The following CLPX variants were observed in gnomAD, a reference collection of about 807,000 sequenced individuals.
The protein encoded by CLPX is ATP-dependent clpX-like chaperone, mitochondrial.
A neutral mutation model predicts 76.4 loss-of-function variants in CLPX; 34 were observed. The observed-to-expected ratio is 0.45, with a 90% CI of 0.34 to 0.59. The LOEUF (loss-of-function observed/expected upper bound fraction) is 0.59. Ranked by LOEUF, CLPX falls within the 20% of genes least tolerant of loss-of-function variation. CLPX has a pLI of 0.01. For missense variants in CLPX, 613 were observed against 757.0 expected (o/e 0.81, Z 2.23); for synonymous variants, 248 against 270.9 (o/e 0.92, Z 0.83).
At chr15:65,176,292 T>C (rs2088090894) in intron 3 of CLPX, among the ~76,000 whole-genome samples, 1 of 152,194 alleles carries the variant, frequency 6.6e-6, no homozygotes, top group African/African-American at 2.4e-5. Context: ...CCTGGCAAGT[T>C]TTGGAAAGAA....
chr15:65,169,388 C>T (rs2087966720), intron 3 of CLPX, among the ~76,000 whole-genome samples: 1 of 152,152 alleles, frequency 6.6e-6, no homozygotes, highest in Non-Finnish European at 1.5e-5. Flanking sequence ...AGGCGTGACC[C>T]ACTGAGGCCA....
rs2087678836 is a variant in CLPX at position 65,148,309 on chromosome 15, G to A, written c.*2514C>T. ...GATTTAAAAACATCGACTATGCTTTGTTAACAACTTCCAAAGCCAAATGTA... is the reference window on the plus strand; with the variant it reads ...GATTTAAAAACATCGACTATGCTTTATTAACAACTTCCAAAGCCAAATGTA... On this transcript the variant is annotated 3_prime_UTR_variant, in exon 14 of 14. Coordinates refer to ENST00000300107, the MANE Select transcript of CLPX (RefSeq NM_006660.5). 1 of 152,192 alleles carries A rather than the reference G, an allele frequency of 6.6e-6. No individual in the cohort carries two copies. Among genetic ancestry groups the A allele is most frequent in the Admixed American group, 6.5e-5 (1 of 15,278 alleles). The allele number at this position is 152,192 out of a possible 1,614,324, so 9.4% of individuals were successfully genotyped here.
At chr15:65,176,844 C>G (rs1427109494) in intron 3 of CLPX, among the ~76,000 whole-genome samples, 2 of 151,932 alleles carry the variant, frequency 1.3e-5, no homozygotes, top group African/African-American at 4.8e-5. Context: ...ATCTGCCTAC[C>G]TCAGCCTCCC....
At chr15:65,185,023 T>G (rs2140658481) in intron 1 of CLPX, 52 bp downstream of exon 1, 16 of 1,445,768 alleles carry the variant, frequency 1.1e-5, no homozygotes, top group African/African-American at 2.9e-5. Context: ...CATTGGCCAG[T>G]CCACCCCCCC....
At position 65,185,124 on chromosome 15, in the gene CLPX, G is replaced by T. The variant is rs763423264; in HGVS notation, c.30C>A (p.Gly10=). ...AGGTGATGAGCCGGACGGCCGCCGC[G>T]CCGCAAGTACAAGCACCGCAGCTGG... The part of the protein sequence containing the change: MPSCGACTC[G]AAAVRLITSS... Residue 10 remains glycine, a synonymous_variant, in exon 1 of 14, where the codon GGC becomes GGA. Transcript: ENST00000300107. 1.9e-6 allele frequency: 3 copies of T among 1,579,348 alleles called. No individual in the cohort carries two copies. The highest frequency in any genetic ancestry group is 3.3e-4 in the Middle Eastern group (2 of 6,002).
At chr15:65,157,085 T>C (rs1180580098) in intron 8 of CLPX, among the ~76,000 whole-genome samples, 153 bp from the exon 9 acceptor site, 1 of 152,272 alleles carries the variant, frequency 6.6e-6, no homozygotes, top group Non-Finnish European at 1.5e-5. Flanking sequence ...TGCACTTTTA[T>C]TTCTTCCATC....
chr15:65,156,989 T>C (rs1401570712), intron 8 of CLPX, 57 bp from the exon 9 acceptor site: 2 of 1,170,568 alleles, frequency 1.7e-6, no homozygotes, highest in Non-Finnish European at 2.5e-6. Flanking sequence ...CAAGATAGCC[T>C]CAGCTTTAAA....
intron 3 of CLPX, among the ~76,000 whole-genome samples, chr15:65,169,235 T>G (rs930589498): frequency 1.3e-5 from 2 of 151,960 alleles, no homozygotes; most frequent in African/African-American, 2.4e-5. Context: ...ATTACAGGCA[T>G]GAGCCACTGC....
Position 65,164,120 on chromosome 15 carries a change from C to G in CLPX, c.582G>C (p.Val194=), listed in dbSNP as rs201601207. The G allele has an allele frequency of 1.9e-6, 3 of 1,613,246 alleles. No homozygotes were observed. The highest frequency in any genetic ancestry group is 2.7e-5 in the African/African-American group (2 of 74,988). ...SFAKKVLSVA[V]YNHYKRIYNN... is the part of the protein sequence containing the mutation. ...TATATATTCTCTTATAATGATTGTA[C>G]ACAGCAACTGAAAGCACCTTCTTAG... Residue 194 remains valine (V), a synonymous_variant, in exon 5 of 14, where the codon GTG becomes GTC. Transcript: ENST00000300107.
At chr15:65,181,698 G>T (rs1339896774) in intron 1 of CLPX, among the ~76,000 whole-genome samples, 3 of 151,570 alleles carry the variant, frequency 2.0e-5, no homozygotes, top group Non-Finnish European at 4.4e-5. Flanking sequence ...GCAGTGAGCC[G>T]AGATTGCGCC....
intron 3 of CLPX, among the ~76,000 whole-genome samples, chr15:65,171,123 G>C (rs566425687): frequency 1.3e-4 from 20 of 151,754 alleles, no homozygotes; most frequent in Non-Finnish European, 2.8e-4. Flanking sequence ...GCCCAGCCAT[G>C]TTTCTGTTCT....
chr15:65,162,423 A>G (rs1223849206), intron 6 of CLPX, among the ~76,000 whole-genome samples, 181 bp downstream of exon 6: 1 of 150,934 alleles, frequency 6.6e-6, no homozygotes, highest in African/African-American at 2.5e-5. Flanking sequence ...CAAATTAGCT[A>G]TGAAAAACTA....
intron 6 of CLPX, among the ~76,000 whole-genome samples, chr15:65,161,105 T>C (rs2087851423): frequency 6.6e-6 from 1 of 152,240 alleles, no homozygotes; most frequent in Non-Finnish European, 1.5e-5. Flanking sequence ...ACCTGGCAGA[T>C]AGTTTTATAA....
chr15:65,176,672 T>C (rs1301673806), intron 3 of CLPX, among the ~76,000 whole-genome samples: 1 of 149,912 alleles, frequency 6.7e-6, no homozygotes, highest in Non-Finnish European at 1.5e-5. Flanking sequence ...CTCGGCTCAC[T>C]GCAGCCTCCG....
chr15:65,167,153 C>T (rs2087926552), intron 3 of CLPX, among the ~76,000 whole-genome samples: 1 of 151,628 alleles, frequency 6.6e-6, no homozygotes, highest in Non-Finnish European at 1.5e-5. Flanking sequence ...TCACTGCAAC[C>T]TCTGCCTCCT....
In CLPX at chr15:65,180,859, G is replaced by A. The variant is rs565089460; in HGVS notation, c.80-655C>T. On this transcript the variant is annotated intron_variant, in intron 1 of 13. Coordinates refer to ENST00000300107, the MANE Select transcript of CLPX (RefSeq NM_006660.5). The stretch of plus-strand genomic sequence containing the variant: ...GCGAAGTTTGCAGCGAACTGAAGTC[G>A]TGCCACCGCACTCCAGCCTGGGTGA... Among the ~76,000 whole-genome samples the A allele has an allele frequency of 5.4e-5, 8 of 149,182 alleles. No homozygotes were observed. In the East Asian group the frequency reaches 7.9e-4, roughly 15 times the overall value.
intron 1 of CLPX, among the ~76,000 whole-genome samples, chr15:65,184,059 GT>G (rs2088218608): frequency 6.6e-6 from 1 of 152,084 alleles, no homozygotes; most frequent in African/African-American, 2.4e-5. Context: ...CCTTCCTTCT[GT>G]AGTAAAGAAA....
intron 3 of CLPX, among the ~76,000 whole-genome samples, chr15:65,170,756 C>T (rs1344736554): frequency 6.6e-6 from 1 of 151,142 alleles, no homozygotes; most frequent in African/African-American, 2.4e-5. Flanking sequence ...GGCAACAGAA[C>T]TCTGTCTCAA....
At chr15:65,154,760 GT>G (rs1595936380) in intron 11 of CLPX, 21 bp downstream of exon 11, 1 of 1,547,344 alleles carries the variant, frequency 6.5e-7, no homozygotes, top group East Asian at 2.3e-5. Flanking sequence ...AAATAACTAA[GT>G]ACAAAAAATA....
Sources: allele counts gnomAD v4.1 joint callset (sites outside exome capture counted in the v4.1 genomes callset), GRCh38; gene constraint gnomAD v4.1.1; transcripts MANE v1.5; gene names NCBI Gene and HGNC (gene_info 2026-07-23, HGNC 2026-07-21).